The following CSMD1 variants were observed in gnomAD, a reference collection of about 807,000 sequenced individuals.
CSMD1 encodes the protein CUB and Sushi multiple domains 1.
CSMD1 carries 213 observed loss-of-function variants against 417.5 expected under a neutral mutation model. That is an observed-to-expected ratio of 0.51 (90% confidence interval 0.46 to 0.57). The LOEUF is 0.57. Among genes scored for constraint, CSMD1 ranks in the 20% least tolerant of loss-of-function variants. The probability of loss-of-function intolerance (pLI) is 0.00; values close to 1 mark genes in which losing one functional copy is unlikely to be tolerated. For synonymous variants in CSMD1, 2,862 were observed against 1,736.8 expected (o/e 1.65, Z -16.11); for missense variants, 6,923 against 4,529.7 (o/e 1.53, Z -15.17).
chr8:4,161,496 G>C (rs577576414), intron 3 of CSMD1, among the ~76,000 whole-genome samples: 7 of 151,966 alleles, frequency 4.6e-5, no homozygotes, highest in Admixed American at 1.3e-4. Context: ...TGAGATAAAA[G>C]AAAAAGGACT....
chr8:3,083,648 ATTTTTTTTTTTTTTTTTTTT>A (rs34049524), intron 49 of CSMD1, among the ~76,000 whole-genome samples: 1 of 13,578 alleles, frequency 7.4e-5, no homozygotes, highest in African/African-American at 3.1e-4. Flanking sequence ...ATATATATAT[ATTTTTTTTTTTTTTTTTTTT>A]TTTTTTTTTT....
intron 3 of CSMD1, among the ~76,000 whole-genome samples, chr8:4,321,694 G>T (rs1392259591): frequency 6.6e-6 from 1 of 152,134 alleles, no homozygotes; most frequent in Non-Finnish European, 1.5e-5. Context: ...GATAGTGATA[G>T]GAATCAATGT....
intron 1 of CSMD1, among the ~76,000 whole-genome samples, chr8:4,740,836 T>G (rs539725593): frequency 1.3e-5 from 2 of 152,298 alleles, no homozygotes; most frequent in East Asian, 3.9e-4. Context: ...GGATGAATCT[T>G]AAAGAACACG....
rs1377237123 is a variant in CSMD1 at position 3,742,177 on chromosome 8, A to G, written c.931+11753T>C. ...CGCCTTTCTGTAAAGTGAGTCTTCT[A>G]TAGCCCACCATTAAGGAGAAGTGAT... On this transcript the variant is annotated intron_variant, in intron 6 of 69. Transcript: ENST00000635120. Among the ~76,000 whole-genome samples the G allele has an allele frequency of 6.6e-5, 10 of 152,270 alleles. No homozygotes were observed. The East Asian group carries it at 1.9e-3, about 29-fold the overall frequency.
chr8:4,180,615 A>G (rs1404982256), intron 3 of CSMD1, among the ~76,000 whole-genome samples: 4 of 152,084 alleles, frequency 2.6e-5, no homozygotes, highest in African/African-American at 4.8e-5. Context: ...AAAATACAAA[A>G]CAAAACAGAA....
intron 5 of CSMD1, among the ~76,000 whole-genome samples, chr8:3,976,249 AT>A (rs1301692130): frequency 1.3e-5 from 2 of 152,198 alleles, no homozygotes; most frequent in African/African-American, 2.4e-5. Context: ...TTTAAAAATT[AT>A]TTAAAAATGT....
At chr8:4,972,027 TA>T (rs1810269226) in intron 1 of CSMD1, among the ~76,000 whole-genome samples, 1 of 152,046 alleles carries the variant, frequency 6.6e-6, no homozygotes, top group South Asian at 2.1e-4. Context: ...AAGAAAGTCT[TA>T]AAGAAGTTTA....
chr8:3,927,501 C>G (rs1809827656), intron 5 of CSMD1, among the ~76,000 whole-genome samples: 1 of 151,816 alleles, frequency 6.6e-6, no homozygotes, highest in East Asian at 1.9e-4. Flanking sequence ...CCCATCTCTA[C>G]TAAAAATACA....
intron 2 of CSMD1, among the ~76,000 whole-genome samples, chr8:4,565,794 A>G (rs909249209): frequency 1.2e-3 from 84 of 67,554 alleles, no homozygotes; most frequent in Middle Eastern, 7.6e-3. Context: ...ATATATATAT[A>G]TATGTATACA....
chr8:3,648,896 C>G (rs1031565598), intron 7 of CSMD1, among the ~76,000 whole-genome samples: 9 of 152,178 alleles, frequency 5.9e-5, no homozygotes, highest in African/African-American at 2.2e-4. Flanking sequence ...CTAGTGTTTT[C>G]TATTTAAATG....
intron 2 of CSMD1, among the ~76,000 whole-genome samples, chr8:4,599,516 T>C (rs1800470942): frequency 6.6e-6 from 1 of 152,152 alleles, no homozygotes; most frequent in South Asian, 2.1e-4. Context: ...ATCAGTTTTT[T>C]TTTTTACACT....
chr8:4,470,705 G>A (rs1363716811), intron 2 of CSMD1, among the ~76,000 whole-genome samples: 3 of 152,106 alleles, frequency 2.0e-5, no homozygotes, highest in East Asian at 3.9e-4. Context: ...AAAGAGTAAA[G>A]ACAAAAAGAA....
At chr8:4,179,014 A>T (rs545587112) in intron 3 of CSMD1, among the ~76,000 whole-genome samples, 2 of 152,324 alleles carry the variant, frequency 1.3e-5, no homozygotes, top group South Asian at 2.1e-4. Context: ...AAGGTAATTT[A>T]TACATTCAAT....
intron 3 of CSMD1, among the ~76,000 whole-genome samples, chr8:4,157,785 G>A (rs149096506): frequency 6.6e-6 from 1 of 152,290 alleles, no homozygotes; most frequent in African/African-American, 2.4e-5. Context: ...TTCACAGCTG[G>A]GTGAACTTGC....
intron 3 of CSMD1, among the ~76,000 whole-genome samples, chr8:4,187,222 T>C (rs1798734159): frequency 6.6e-6 from 1 of 152,098 alleles, no homozygotes; most frequent in African/African-American, 2.4e-5. Flanking sequence ...AGAGAAAAAA[T>C]AATATGGAAC....
intron 7 of CSMD1, among the ~76,000 whole-genome samples, chr8:3,635,664 T>C (rs1041303669): frequency 5.3e-5 from 8 of 151,472 alleles, no homozygotes; most frequent in African/African-American, 1.9e-4. Context: ...TTGTATTTTT[T>C]AGTAGAGACG....
chr8:3,303,432 T>G (rs528496158), intron 25 of CSMD1, among the ~76,000 whole-genome samples: 8 of 152,344 alleles, frequency 5.3e-5, no homozygotes, highest in Admixed American at 4.6e-4. Context: ...ACATGTTACC[T>G]TTTCTAAAAG....
intron 3 of CSMD1, among the ~76,000 whole-genome samples, chr8:4,211,027 A>G (rs1462562016): frequency 6.6e-6 from 1 of 152,200 alleles, no homozygotes; most frequent in African/African-American, 2.4e-5. Flanking sequence ...AGTTTCAAAA[A>G]TATTTTAAAA....
At chr8:4,430,105 G>A (rs1797787681) in intron 2 of CSMD1, among the ~76,000 whole-genome samples, 2 of 152,162 alleles carry the variant, frequency 1.3e-5, no homozygotes, top group Non-Finnish European at 2.9e-5. Context: ...CCAGAAGTGA[G>A]GTTTATAAAT....
Sources: allele counts gnomAD v4.1 joint callset (sites outside exome capture counted in the v4.1 genomes callset), GRCh38; gene constraint gnomAD v4.1.1; transcripts MANE v1.5; gene names NCBI Gene and HGNC (gene_info 2026-07-23, HGNC 2026-07-21).